SRBD1: variants seen among roughly 807,000 people sequenced by gnomAD.
SRBD1 encodes the protein S1 RNA-binding domain-containing protein 1.
A neutral mutation model predicts 115.3 loss-of-function variants in SRBD1; 88 were observed. The ratio of observed to expected loss-of-function variants is 0.76; its 90% CI spans 0.64 to 0.91. The LOEUF (loss-of-function observed/expected upper bound fraction) is 0.91. SRBD1 is among the 40% of genes least tolerant of loss of function. The pLI is 0.00. For missense variants in SRBD1, 1,385 were observed against 1,177.4 expected, an observed-to-expected ratio of 1.18 and a Z score of -2.58; for synonymous variants, 509 against 407.7, an observed-to-expected ratio of 1.25 and a Z score of -2.99.
At chr2:45,426,191 T>G (rs894582835) in intron 16 of SRBD1, among the ~76,000 whole-genome samples, 7 of 152,146 alleles carry the variant, frequency 4.6e-5, no homozygotes, top group African/African-American at 1.7e-4. Context: ...TACTGAGGCT[T>G]GAGTAGGCGG....
At chr2:45,542,833 G>A (rs1395288112) in intron 14 of SRBD1, among the ~76,000 whole-genome samples, 2 of 152,114 alleles carry the variant, frequency 1.3e-5, no homozygotes, top group Non-Finnish European at 1.5e-5. Flanking sequence ...TAAACTAATT[G>A]TGATACAGCC....
intron 17 of SRBD1, among the ~76,000 whole-genome samples, chr2:45,418,786 G>A (rs1251802911): frequency 1.3e-5 from 2 of 152,018 alleles, no homozygotes; most frequent in Non-Finnish European, 2.9e-5. Flanking sequence ...AAAGATGCTG[G>A]TAAGAAGGCT....
At chr2:45,527,201 C>A (rs1006166236) in intron 14 of SRBD1, among the ~76,000 whole-genome samples, 1 of 151,734 alleles carries the variant, frequency 6.6e-6, no homozygotes, top group Non-Finnish European at 1.5e-5. Context: ...GGGGGGCCAG[C>A]AAGTTTTAAA....
chr2:45,426,932 T>A (rs565400105), intron 16 of SRBD1, among the ~76,000 whole-genome samples: 2 of 152,176 alleles, frequency 1.3e-5, no homozygotes, highest in Non-Finnish European at 2.9e-5. Context: ...AAAACCAGAA[T>A]GCCTCTTCTC....
chr2:45,443,407 G>C (rs554204131), intron 16 of SRBD1, among the ~76,000 whole-genome samples: 6 of 152,182 alleles, frequency 3.9e-5, no homozygotes, highest in Non-Finnish European at 8.8e-5. Context: ...GCCATTAATA[G>C]AAACAGGGAA....
At position 45,547,592 on chromosome 2, in the gene SRBD1, C is replaced by T. The variant is rs1377088142; in HGVS notation, c.1696G>A (p.Val566Met). Residue 566 changes from valine to methionine, a missense_variant, in exon 13 of 21, where the codon GTG (valine) becomes ATG (methionine). Val to Met is a conservative substitution (Grantham distance 21). Coordinates refer to ENST00000263736, the MANE Select transcript of SRBD1 (RefSeq NM_018079.5). The part of the protein sequence containing the change: ...SPTSQILHTD[V>M]VYLHCGQGFR... The stretch of plus-strand genomic sequence containing the variant: ...CCTTGTCCACAATGCAAGTAAACCA[C>T]ATCAGTATGAAGTATCTGACCTTTA... 1 of 1,613,442 alleles carries T rather than the reference C, an allele frequency of 6.2e-7. No homozygotes were observed. The highest frequency in any genetic ancestry group is 2.2e-5 in the East Asian group (1 of 44,848).
chr2:45,577,520 G>A (rs1284972338), intron 7 of SRBD1, among the ~76,000 whole-genome samples: 2 of 152,114 alleles, frequency 1.3e-5, no homozygotes, highest in Non-Finnish European at 2.9e-5. Context: ...TCTTATGTAT[G>A]ACAGAACTTC....
chr2:45,470,944 T>C (rs1481698002), intron 16 of SRBD1, among the ~76,000 whole-genome samples: 1 of 152,214 alleles, frequency 6.6e-6, no homozygotes, highest in Non-Finnish European at 1.5e-5. Flanking sequence ...TTAGTTTCTA[T>C]TGAAATAATA....
chr2:45,584,549 A>C (rs1022943095), intron 5 of SRBD1, among the ~76,000 whole-genome samples: 5 of 152,178 alleles, frequency 3.3e-5, no homozygotes, highest in African/African-American at 1.2e-4. Flanking sequence ...TATAAAAATT[A>C]CCCTTAATAC....
intron 12 of SRBD1, among the ~76,000 whole-genome samples, chr2:45,547,862 A>G (rs879543698): frequency 6.6e-6 from 1 of 152,194 alleles, no homozygotes; most frequent in Non-Finnish European, 1.5e-5. Context: ...TACCTAAAAG[A>G]AAAATGGTTT....
At chr2:45,422,574 T>C (rs911104130) in intron 16 of SRBD1, among the ~76,000 whole-genome samples, 1 of 152,232 alleles carries the variant, frequency 6.6e-6, no homozygotes. Context: ...TGCAGCCAAT[T>C]GAGACTATCA....
chr2:45,608,626 G>A (rs1316532820), intron 1 of SRBD1, among the ~76,000 whole-genome samples: 2 of 150,786 alleles, frequency 1.3e-5, no homozygotes, highest in African/African-American at 2.4e-5. Flanking sequence ...ATCCCAAACC[G>A]TGCCTTTAAC....
Position 45,428,951 on chromosome 2 carries a change from A to T in SRBD1, c.2050-9057T>A, listed in dbSNP as rs568195317. 9.8e-5 allele frequency among the ~76,000 whole-genome samples: 15 copies of T among 152,344 alleles called. No individual in the cohort carries two copies. In the South Asian group the frequency reaches 2.7e-3, roughly 27 times the overall value. ...AAGAATCAAACAGACATAATAAAAAATGATAAAGGGGATATCACCACTGAT... is the reference window on the plus strand; with the variant it reads ...AAGAATCAAACAGACATAATAAAAATTGATAAAGGGGATATCACCACTGAT... On this transcript the variant is annotated intron_variant, in intron 16 of 20. Transcript: ENST00000263736.
At chr2:45,496,650 T>C (rs1670468866) in intron 14 of SRBD1, among the ~76,000 whole-genome samples, 1 of 152,152 alleles carries the variant, frequency 6.6e-6, no homozygotes, top group African/African-American at 2.4e-5. Flanking sequence ...CGAACTCCAC[T>C]AACAAATGAC....
intron 14 of SRBD1, among the ~76,000 whole-genome samples, chr2:45,497,175 T>G (rs1243077440): frequency 2.0e-5 from 3 of 152,210 alleles, no homozygotes; most frequent in African/African-American, 4.8e-5. Context: ...TGAACCTGTT[T>G]ATGCTATGTT....
intron 14 of SRBD1, among the ~76,000 whole-genome samples, chr2:45,537,601 G>C (rs1338956210): frequency 6.6e-6 from 1 of 152,158 alleles, no homozygotes; most frequent in Non-Finnish European, 1.5e-5. Flanking sequence ...TCATTCATCT[G>C]TGTCCTATAA....
chr2:45,453,480 T>C (rs1001779550), intron 16 of SRBD1, among the ~76,000 whole-genome samples: 1 of 151,890 alleles, frequency 6.6e-6, no homozygotes, highest in Non-Finnish European at 1.5e-5. Flanking sequence ...AAGTTTGTTA[T>C]TAACAAACAA....
intron 9 of SRBD1, among the ~76,000 whole-genome samples, chr2:45,563,398 A>C (rs918189347): frequency 1.3e-5 from 2 of 152,050 alleles, no homozygotes; most frequent in Admixed American, 1.3e-4. Context: ...GTCTTAAAAC[A>C]CATTAAAAAC....
At chr2:45,404,979 C>T (rs944421442) in intron 19 of SRBD1, among the ~76,000 whole-genome samples, 2 of 152,110 alleles carry the variant, frequency 1.3e-5, no homozygotes, top group African/African-American at 2.4e-5. Flanking sequence ...CTCTTTCCTC[C>T]GTCAAGACTT....
Sources: gnomAD v4.1 joint callset for allele counts (sites outside exome capture counted in the v4.1 genomes callset) on GRCh38, gnomAD v4.1.1 for gene constraint, MANE v1.5 for transcripts, NCBI Gene and HGNC (gene_info 2026-07-23, HGNC 2026-07-21) for gene names.